Variants in SPRED1 observed in about 807,000 individuals in gnomAD.
SPRED1 encodes the protein sprouty related EVH1 domain containing 1.
A neutral mutation model predicts 52.3 loss-of-function variants in SPRED1; 18 were observed. The ratio of observed to expected loss-of-function variants is 0.34; its 90% CI spans 0.24 to 0.51. The LOEUF (loss-of-function observed/expected upper bound fraction) is 0.51. Among genes scored for constraint, SPRED1 ranks in the 20% least tolerant of loss-of-function variants. The pLI, the probability that SPRED1 is intolerant of heterozygous loss-of-function variation, is 0.97. For synonymous variants in SPRED1, 155 were observed against 179.7 expected (o/e 0.86, Z 1.10); for missense variants, 485 against 551.0 (o/e 0.88, Z 1.20).
rs147655197 is a variant in SPRED1, at chr15:38,348,897, G to T, written c.583-525G>T. Among the ~76,000 whole-genome samples the T allele has an allele frequency of 1.5e-3, 223 of 151,882 alleles. 2 individuals carry two copies. The highest frequency in any genetic ancestry group is 4.9e-3 in the African/African-American group (201 of 41,442). On this transcript the variant is annotated intron_variant, in intron 5 of 6. Coordinates refer to ENST00000299084, the MANE Select transcript of SPRED1 (RefSeq NM_152594.3). ...CACTAAAGATTCCTATTTTTTTATT[G>T]CTATATAATTCACCTACCACAAAAT...
intron 4 of SPRED1, among the ~76,000 whole-genome samples, chr15:38,325,619 C>T (rs757973612): frequency 3.9e-5 from 6 of 152,160 alleles, no homozygotes; most frequent in African/African-American, 4.8e-5. Context: ...CAACTAATTG[C>T]GTGAGGTCAC....
intron 1 of SPRED1, among the ~76,000 whole-genome samples, chr15:38,272,276 G>GTGTTTTTTT: frequency 7.6e-6 from 1 of 131,426 alleles, no homozygotes. Flanking sequence ...CGAATGCTAG[G>GTGTTTTTTT]TTTTTTTTTT....
chr15:38,278,842 T>TTTTTTG (rs1370808314), intron 1 of SPRED1, among the ~76,000 whole-genome samples: 6 of 150,610 alleles, frequency 4.0e-5, no homozygotes, highest in Non-Finnish European at 7.4e-5. Context: ...TTTTTTTTTT[T>TTTTTTG]TGTGAAATGA....
intron 1 of SPRED1, among the ~76,000 whole-genome samples, chr15:38,262,520 C>T (rs58635966): frequency 0.049 from 7,461 of 152,066 alleles, 314 homozygotes; most frequent in African/African-American, 0.11. Flanking sequence ...AAGACAAGCA[C>T]AGAAAGAAGA....
intron 4 of SPRED1, among the ~76,000 whole-genome samples, chr15:38,338,954 T>C (rs1895976735): frequency 6.6e-6 from 1 of 152,138 alleles, no homozygotes; most frequent in Non-Finnish European, 1.5e-5. Flanking sequence ...TGAATTATTT[T>C]AGAATAAGCT....
Position 38,351,053 on chromosome 15 carries a change from G to A in SPRED1, c.724G>A (p.Glu242Lys). ...AATCAGACATGTCAGCTTTCAAGAT[G>A]AGGATGAGATTGTCAGAATAAACCC... Reference protein sequence around the residue: ...KSIRHVSFQDEDEIVRINPRD... With the variant: ...KSIRHVSFQDKDEIVRINPRD... Residue 242 changes from glutamate to lysine, a missense_variant, in exon 7 of 7, where the codon GAG becomes AAG. Coordinates refer to ENST00000299084, the MANE Select transcript of SPRED1 (RefSeq NM_152594.3). 2 of 1,613,750 alleles carry A rather than the reference G, an allele frequency of 1.2e-6. No homozygotes were observed. Among genetic ancestry groups the A allele is most frequent in the Non-Finnish European group, 8.5e-7 (1 of 1,179,948 alleles).
At chr15:38,260,171 A>G (rs1013197930) in intron 1 of SPRED1, among the ~76,000 whole-genome samples, 14 of 152,236 alleles carry the variant, frequency 9.2e-5, no homozygotes, top group African/African-American at 3.4e-4. Flanking sequence ...TTGTCTCACA[A>G]TTACTAAAGG....
chr15:38,349,604 C>G, intron 6 of SPRED1, 81 bp downstream of exon 6: 1 of 975,052 alleles, frequency 1.0e-6, no homozygotes, highest in Admixed American at 2.0e-5. Context: ...TTCTAATTCT[C>G]CATATAGTTG....
chr15:38,351,400 C>T lies in SPRED1; in HGVS notation c.1071C>T (p.Asp357=). The T allele has an allele frequency of 6.2e-7, 1 of 1,614,054 alleles. No individual in the cohort carries two copies. The highest frequency in any genetic ancestry group is 8.5e-7 in the Non-Finnish European group (1 of 1,179,992). The part of the protein sequence containing the change: ...NVRGKCQDAP[D]PIKRCIYQVS... ...GGGGAAAATGTCAGGATGCTCCAGA[C>T]CCTATTAAAAGATGCATATATCAAG... Residue 357 remains aspartate, a synonymous_variant, in exon 7 of 7, where the codon GAC becomes GAT. Transcript: ENST00000299084.
intron 1 of SPRED1, among the ~76,000 whole-genome samples, chr15:38,258,811 A>G (rs888980102): frequency 5.9e-5 from 9 of 152,218 alleles, no homozygotes; most frequent in Non-Finnish European, 8.8e-5. Context: ...TGTAAAAGCC[A>G]TTTGTACATC....
chr15:38,336,098 A>G (rs921997527), intron 4 of SPRED1, among the ~76,000 whole-genome samples: 1 of 151,926 alleles, frequency 6.6e-6, no homozygotes, highest in African/African-American at 2.4e-5. Context: ...ACTTTTTAAC[A>G]CTAAACATTT....
At chr15:38,254,585 T>G (rs1894052337) in intron 1 of SPRED1, among the ~76,000 whole-genome samples, 1 of 152,252 alleles carries the variant, frequency 6.6e-6, no homozygotes, top group Non-Finnish European at 1.5e-5. Context: ...CGCGGCTTAT[T>G]TGTCTGTGTG....
chr15:38,288,781 A>G (rs961335369), intron 1 of SPRED1, among the ~76,000 whole-genome samples: 3 of 152,068 alleles, frequency 2.0e-5, no homozygotes, highest in Non-Finnish European at 2.9e-5. Flanking sequence ...TTTGCTTTGA[A>G]TATTGTGTCT....
chr15:38,276,093 A>G (rs990951838), intron 1 of SPRED1, among the ~76,000 whole-genome samples: 3 of 152,246 alleles, frequency 2.0e-5, no homozygotes, highest in African/African-American at 7.2e-5. Flanking sequence ...AATGCAAAAA[A>G]TAGTCATTGC....
chr15:38,256,423 G>C (rs151009954), intron 1 of SPRED1, among the ~76,000 whole-genome samples: 1 of 152,052 alleles, frequency 6.6e-6, no homozygotes, highest in African/African-American at 2.4e-5. Context: ...AAGAGTCTTT[G>C]TCCTTTGGTA....
At chr15:38,263,091 A>G (rs1285691325) in intron 1 of SPRED1, among the ~76,000 whole-genome samples, 1 of 152,208 alleles carries the variant, frequency 6.6e-6, no homozygotes, top group African/African-American at 2.4e-5. Context: ...ATTTGGAACT[A>G]TTGGGGACTC....
At chr15:38,334,823 A>ATGTG (rs899258997) in intron 4 of SPRED1, among the ~76,000 whole-genome samples, 1 of 149,970 alleles carries the variant, frequency 6.7e-6, no homozygotes, top group Non-Finnish European at 1.5e-5. Flanking sequence ...GTGATTGTGT[A>ATGTG]TGTGTGTGTG....
At chr15:38,272,564 C>G (rs1263559849) in intron 1 of SPRED1, among the ~76,000 whole-genome samples, 1 of 152,110 alleles carries the variant, frequency 6.6e-6, no homozygotes, top group Non-Finnish European at 1.5e-5. Context: ...GCCACTGTGC[C>G]CGACCTCGAA....
intron 2 of SPRED1, among the ~76,000 whole-genome samples, chr15:38,320,012 A>C (rs996437807): frequency 1.3e-5 from 2 of 152,224 alleles, no homozygotes; most frequent in Non-Finnish European, 2.9e-5. Context: ...TCCACCGTAC[A>C]GATATGACAG....
Sources: gnomAD v4.1 joint callset for allele counts (sites outside exome capture counted in the v4.1 genomes callset) on GRCh38, gnomAD v4.1.1 for gene constraint, MANE v1.5 for transcripts, NCBI Gene and HGNC (gene_info 2026-07-23, HGNC 2026-07-21) for gene names.